Variants in ARHGAP22 observed in about 807,000 individuals in gnomAD.
ARHGAP22 encodes rho GTPase-activating protein 22.
Under a neutral mutation model 59.1 loss-of-function variants are expected in ARHGAP22, and 48 were observed. That is an observed-to-expected ratio of 0.81 (90% confidence interval 0.64 to 1.03). The LOEUF (loss-of-function observed/expected upper bound fraction) is 1.03. ARHGAP22 is among the 50% of genes least tolerant of loss of function. The pLI is 0.00. For missense variants in ARHGAP22, 1,015 were observed against 958.7 expected (o/e 1.06, Z -0.78); for synonymous variants, 445 against 416.4 (o/e 1.07, Z -0.84).
At chr10:48,530,528 G>C (rs987053945) in intron 3 of ARHGAP22, among the ~76,000 whole-genome samples, 17 of 152,046 alleles carry the variant, frequency 1.1e-4, no homozygotes, top group Admixed American at 7.9e-4. Flanking sequence ...ATCTGACAAA[G>C]GACTAACATC....
At chr10:48,654,459 T>C (rs1015118118), upstream of ARHGAP22, among the ~76,000 whole-genome samples, 1 of 152,210 alleles carries the variant, frequency 6.6e-6, no homozygotes, top group Non-Finnish European at 1.5e-5. Flanking sequence ...CCCAAACCAA[T>C]GCAATGTGCT....
chr10:48,453,194 C>A, intron 8 of ARHGAP22, 110 bp downstream of exon 8: 1 of 1,493,862 alleles, frequency 6.7e-7, no homozygotes. Flanking sequence ...CTGAGCCACC[C>A]CTCCTGCTGG....
intron 1 of ARHGAP22, among the ~76,000 whole-genome samples, chr10:48,591,880 A>T (rs1056779425): frequency 6.6e-6 from 1 of 151,968 alleles, no homozygotes; most frequent in African/African-American, 2.4e-5. Context: ...TCTAAAAAAA[A>T]CCCCAAAACA....
At chr10:48,556,549 C>G (rs1365050708) in intron 2 of ARHGAP22, 1 of 152,180 alleles carries the variant, frequency 6.6e-6, no homozygotes, top group African/African-American at 2.4e-5. Context: ...TGAACTCCAT[C>G]CCTGCAACCA....
intron 3 of ARHGAP22, among the ~76,000 whole-genome samples, chr10:48,486,790 G>A (rs1033545375): frequency 6.6e-6 from 1 of 152,138 alleles, no homozygotes; most frequent in African/African-American, 2.4e-5. Context: ...AGCTATTGGT[G>A]ATGAATTCTT....
chr10:48,613,126 C>T (rs528653435), intron 1 of ARHGAP22, among the ~76,000 whole-genome samples: 1 of 152,302 alleles, frequency 6.6e-6, no homozygotes, highest in African/African-American at 2.4e-5. Context: ...GTGAGAGTCT[C>T]GTGCACATGT....
chr10:48,601,161 G>A (rs906519893), intron 1 of ARHGAP22, among the ~76,000 whole-genome samples: 9 of 152,250 alleles, frequency 5.9e-5, no homozygotes, highest in Admixed American at 2.0e-4. Context: ...GACAAACCTG[G>A]GCAGGGGCAT....
chr10:48,453,947 C>T (rs1477635821), intron 7 of ARHGAP22, 141 bp downstream of exon 7: 2 of 850,654 alleles, frequency 2.4e-6, no homozygotes, highest in Non-Finnish European at 3.9e-6. Flanking sequence ...CCTGCTTCGT[C>T]CACGCTGGGT....
chr10:48,506,718 G>A (rs941179953), intron 3 of ARHGAP22, among the ~76,000 whole-genome samples: 1 of 152,158 alleles, frequency 6.6e-6, no homozygotes. Flanking sequence ...TCTCACTGTA[G>A]TCTAAATCAA....
chr10:48,488,009 T>C (rs760833934), intron 3 of ARHGAP22, among the ~76,000 whole-genome samples: 6 of 152,224 alleles, frequency 3.9e-5, no homozygotes, highest in Non-Finnish European at 8.8e-5. Flanking sequence ...GCTGTAATCA[T>C]GCACTGCACT....
the ARHGAP22 span, chr10:48,435,410 A>C: frequency 1.2e-5 from 2 of 162,556 alleles, no homozygotes; most frequent in African/African-American, 2.4e-5. Flanking sequence ...TGAATTATTT[A>C]AGATTTTTAT....
chr10:48,624,788 G>A (rs987537582), intron 1 of ARHGAP22: 1 of 152,238 alleles, frequency 6.6e-6, no homozygotes, highest in Non-Finnish European at 1.5e-5. Flanking sequence ...CTCAGTAAGA[G>A]TGAAGTGATT....
the ARHGAP22 span, chr10:48,436,950 CTG>C: frequency 6.6e-6 from 1 of 152,154 alleles, no homozygotes; most frequent in Admixed American, 6.5e-5. Context: ...TCACAATTAG[CTG>C]TATTTTCTGT....
At chr10:48,464,556 G>T (rs370441088) in intron 4 of ARHGAP22, among the ~76,000 whole-genome samples, 1 of 152,204 alleles carries the variant, frequency 6.6e-6, no homozygotes, top group South Asian at 2.1e-4. Flanking sequence ...GAGCATGGGC[G>T]TCAGAGGGCA....
chr10:48,587,654 T>C lies in ARHGAP22; in HGVS notation c.35-4502A>G, dbSNP rs1017920624. Among the ~76,000 whole-genome samples the C allele has an allele frequency of 2.6e-5, 4 of 152,360 alleles. No individual in the cohort carries two copies. In the East Asian group the frequency reaches 7.7e-4, roughly 29 times the overall value. On this transcript the variant is annotated intron_variant, in intron 1 of 9. Transcript: ENST00000249601. ...AAGGGCTATGGAGAACATTTTGTCCTTCCACAGATGTTTGCAGAGTACTCT... is the reference window on the plus strand; with the variant it reads ...AAGGGCTATGGAGAACATTTTGTCCCTCCACAGATGTTTGCAGAGTACTCT...
chr10:48,471,208 G>A (rs1030160501), intron 4 of ARHGAP22, among the ~76,000 whole-genome samples: 1 of 152,158 alleles, frequency 6.6e-6, no homozygotes. Context: ...TTCCCACACA[G>A]CCAGGCCAGG....
intron 9 of ARHGAP22, among the ~76,000 whole-genome samples, chr10:48,450,049 GCTGA>G (rs370637527): frequency 0.051 from 7,821 of 152,336 alleles, 229 homozygotes; most frequent in Middle Eastern, 0.082. Flanking sequence ...CCTCTGCAGC[GCTGA>G]CTGCGTGCCA....
intron 3 of ARHGAP22, chr10:48,511,650 AG>A (rs2052778984): frequency 6.6e-6 from 1 of 152,260 alleles, no homozygotes; most frequent in African/African-American, 2.4e-5. Context: ...ATCATAACAA[AG>A]TGGCCCGTAA....
chr10:48,440,761 A>G, the ARHGAP22 span, among the ~76,000 whole-genome samples: 271 of 152,304 alleles, frequency 1.8e-3, 1 homozygote, highest in African/African-American at 6.3e-3. Flanking sequence ...GCGGAAAAAA[A>G]GTATTATGAC....
Sources: allele counts gnomAD v4.1 joint callset (sites outside exome capture counted in the v4.1 genomes callset), GRCh38; gene constraint gnomAD v4.1.1; transcripts MANE v1.5; gene names NCBI Gene and HGNC (gene_info 2026-07-23, HGNC 2026-07-21).